CUL4B: variants seen among roughly 807,000 people sequenced by gnomAD.
CUL4B encodes the protein cullin 4B, also known as cullin-4B.
Under a neutral mutation model 69.2 loss-of-function variants are expected in CUL4B, and 1 was observed. That is an observed-to-expected ratio of 0.01 (90% CI 0.01 to 0.07). The LOEUF is 0.07. Among genes scored for constraint, CUL4B ranks in the 10% least tolerant of loss-of-function variants. CUL4B has a pLI of 1.00. For synonymous variants in CUL4B, 237 were observed against 223.2 expected (o/e 1.06, Z -0.55); for missense variants, 328 against 638.8 (o/e 0.51, Z 5.24).
intron 4 of CUL4B, among the ~76,000 whole-genome samples, chrX:120,546,011 G>A (rs1924298786): frequency 9.0e-6 from 1 of 110,807 alleles, no homozygotes; most frequent in Non-Finnish European, 1.9e-5. Context: ...TAATCAAATA[G>A]TGGACAGGAT....
At position 120,524,200 on chromosome X, in the gene CUL4B, G is replaced by C. The variant is rs1922849083; in HGVS notation, c.*2561C>G. Reference sequence around the variant, plus strand: ...AACTTTGAGGAACATCTTACTCTGAGAGTATCTGGCCCAGAACTCAAAAAA... The same window carrying C: ...AACTTTGAGGAACATCTTACTCTGACAGTATCTGGCCCAGAACTCAAAAAA... On this transcript the variant is annotated 3_prime_UTR_variant, in exon 20 of 20. Coordinates refer to ENST00000371322, the MANE Select transcript of CUL4B (RefSeq NM_001079872.2). 9.0e-6 allele frequency among the ~76,000 whole-genome samples: 1 copy of C among 111,251 alleles called. No homozygotes were observed. The highest frequency in any genetic ancestry group is 1.9e-5 in the Non-Finnish European group (1 of 52,974).
At position 120,560,347 on chromosome X, in the gene CUL4B, G is replaced by C. The variant is rs1351973708; in HGVS notation, c.292C>G (p.Gln98Glu). ...SVAASSHVPI[Q>E]KKLRFEDTLE... is the part of the protein sequence containing the mutation. ...GTGTCTTCAAAACGCAGCTTCTTCT[G>C]TATCGGTACGTGGCTGGAAGCAGCC... The change falls in exon 1 of 20, where the codon CAG becomes GAG. Residue 98 changes from glutamine (Q) to glutamate (E), a missense_variant. By Grantham distance (29) the Gln-to-Glu change is conservative. Around this residue, in one of 4 missense-constraint regions of CUL4B, gnomAD observed 102 missense variants for 122.1 expected, o/e 0.84. Coordinates refer to ENST00000371322, the MANE Select transcript of CUL4B (RefSeq NM_001079872.2). The C allele has an allele frequency of 8.3e-7, 1 of 1,207,305 alleles. No homozygotes were observed. The highest frequency in any genetic ancestry group is 1.8e-5 in the African/African-American group (1 of 57,040).
intron 17 of CUL4B, among the ~76,000 whole-genome samples, 164 bp downstream of exon 17, chrX:120,534,317 T>C (rs960167546): frequency 4.7e-5 from 5 of 106,953 alleles, no homozygotes; most frequent in African/African-American, 1.7e-4. Flanking sequence ...ATTGTACCAC[T>C]GGACCCCAGC....
chrX:120,530,473 T>C (rs1923241603), intron 18 of CUL4B, among the ~76,000 whole-genome samples: 1 of 112,372 alleles, frequency 8.9e-6, no homozygotes, highest in Non-Finnish European at 1.9e-5. Flanking sequence ...GTAATGCTAA[T>C]ATTAGTTAAT....
Position 120,560,756 on chromosome X carries a change from AACAC to A in CUL4B, c.-122_-119del. The A allele has an allele frequency of 2.5e-6, 2 of 795,541 alleles. No homozygotes were observed. The highest frequency in any genetic ancestry group is 3.1e-6 in the Non-Finnish European group (2 of 636,903). The allele number at this position is 795,541 out of a possible 1,213,427, so 65.6% of individuals were successfully genotyped here. ...GGAAGGGAAGAAAGAAGAGAGGAGA[AACAC>A]AGAGGACGAGAAGGAAAGTGAAGGG... is the stretch of plus-strand genomic sequence containing the variant. On this transcript the variant is annotated 5_prime_UTR_variant, in exon 1 of 20. Transcript: ENST00000371322.
chrX:120,545,994 T>C (rs1340055459), intron 4 of CUL4B, among the ~76,000 whole-genome samples: 1 of 110,190 alleles, frequency 9.1e-6, no homozygotes, highest in African/African-American at 3.3e-5. Flanking sequence ...TCAGGCACCT[T>C]CACAGGTAAT....
upstream of CUL4B, chrX:120,561,442 G>C (rs367762561): frequency 2.5e-4 from 121 of 483,663 alleles, no homozygotes; most frequent in African/African-American, 1.1e-3. Flanking sequence ...GGACTTGAGT[G>C]GGGGGGGGAA....
intron 18 of CUL4B, among the ~76,000 whole-genome samples, chrX:120,531,443 T>C (rs1302317393): frequency 9.2e-6 from 1 of 109,100 alleles, no homozygotes; most frequent in Non-Finnish European, 1.9e-5. Flanking sequence ...AAACAAAATA[T>C]TCACCTTCCC....
chrX:120,536,013 C>T (rs768580074), intron 15 of CUL4B, 70 bp from the exon 16 acceptor site: 1 of 770,735 alleles, frequency 1.3e-6, no homozygotes, highest in Admixed American at 2.3e-5. Flanking sequence ...TTTATACTTA[C>T]CTCATGTGAT....
At chrX:120,571,254 CAA>C (rs1434660075) in exon 3 of CUL4B, 10 of 111,131 alleles carry the variant, frequency 9.0e-5, no homozygotes, top group South Asian at 3.8e-4. Flanking sequence ...TAAAATTACA[CAA>C]GTCGCCATAG....
At chrX:120,563,279 G>C (rs1440021763), upstream of CUL4B, among the ~76,000 whole-genome samples, 1 of 111,872 alleles carries the variant, frequency 8.9e-6, no homozygotes, top group Non-Finnish European at 1.9e-5. Flanking sequence ...TGTCGCCCAG[G>C]CTGGACTGCA....
rs775982228 is a variant in CUL4B at position 120,536,934 on chromosome X, G to A, written c.2039C>T (p.Pro680Leu). The A allele has an allele frequency of 8.5e-7, 1 of 1,175,286 alleles. No homozygotes were observed. Among genetic ancestry groups the A allele is most frequent in the Non-Finnish European group, 1.2e-6 (1 of 863,939 alleles). Residue 680 changes from proline to leucine, a missense_variant, in exon 15 of 20, where the codon CCA becomes CTA. Pro to Leu is a moderately conservative substitution (Grantham distance 98, BLOSUM62 -3). Around this residue, in one of 4 missense-constraint regions of CUL4B, gnomAD observed 98 missense variants for 296.8 expected, o/e 0.33. Coordinates refer to ENST00000371322, the MANE Select transcript of CUL4B (RefSeq NM_001079872.2). The stretch of plus-strand genomic sequence containing the variant: ...CTAAACAGTAACTCTTACCTCTGGT[G>A]GTAAATGAACTTCCATAGGCACATA... ...PTYVPMEVHL[P>L]PEMVKLQEIF...
At chrX:120,526,893 T>C (rs773740692) in intron 19 of CUL4B, 37 bp from the exon 20 acceptor site, 2 of 886,499 alleles carry the variant, frequency 2.3e-6, no homozygotes, top group Non-Finnish European at 3.3e-6. Context: ...TAAAGTTCAT[T>C]ATCATTGGCT....
chrX:120,538,630 G>C (rs1490592801), intron 13 of CUL4B, 30 bp downstream of exon 13: 3 of 974,488 alleles, frequency 3.1e-6, no homozygotes, highest in Non-Finnish European at 4.4e-6. Flanking sequence ...AGGAATCAAA[G>C]AAAAGGAACA....
At chrX:120,539,517 G>A (rs948667423) in intron 11 of CUL4B, 145 bp from the exon 12 acceptor site, 1 of 410,739 alleles carries the variant, frequency 2.4e-6, no homozygotes, top group Admixed American at 4.3e-5. Flanking sequence ...TCCAAAGTCA[G>A]GAAGATCAAC....
Position 120,551,757 on chromosome X carries a change from G to C in CUL4B, c.673-4518C>G, listed in dbSNP as rs1006677012. Among the ~76,000 whole-genome samples, 157 of 112,063 alleles carry C rather than the reference G, an allele frequency of 1.4e-3. 1 individual carries two copies. The highest frequency in any genetic ancestry group is 4.9e-3 in the African/African-American group (150 of 30,875). ...TTTCTTTTTAAAAAATGCTGGTCAC[G>C]AACTATTAATTTCATGAACCTATTA... On this transcript the variant is annotated intron_variant, in intron 2 of 19. Transcript: ENST00000371322.
chrX:120,529,954 G>A (rs868302642), intron 19 of CUL4B, 148 bp downstream of exon 19: 1 of 424,455 alleles, frequency 2.4e-6, no homozygotes, highest in Non-Finnish European at 3.6e-6. Flanking sequence ...TTTTTTTTTT[G>A]GAAATCATAT....
chrX:120,561,190 G>A (rs1925284051), upstream of CUL4B: 1 of 663,168 alleles, frequency 1.5e-6, no homozygotes, highest in East Asian at 3.9e-5. Flanking sequence ...GGGAGCTCGC[G>A]CGTGAGGGGG....
At chrX:120,564,468 C>T (rs768824909), upstream of CUL4B, among the ~76,000 whole-genome samples, 10 of 111,302 alleles carry the variant, frequency 9.0e-5, no homozygotes, top group African/African-American at 2.9e-4. Context: ...TATCTGGGCA[C>T]GTTGGCAGGT....
Sources: gnomAD v4.1 joint callset for allele counts (sites outside exome capture counted in the v4.1 genomes callset) on GRCh38, gnomAD v4.1.1 for gene constraint, gnomAD v4.1.1 regional missense constraint, MANE v1.5 for transcripts, NCBI Gene and HGNC (gene_info 2026-07-23, HGNC 2026-07-21) for gene names.